USE1: variants seen among roughly 807,000 people sequenced by gnomAD.
The protein encoded by USE1 is unconventional SNARE in the ER 1, also known as vesicle transport protein USE1.
USE1 carries 32 observed loss-of-function variants against 37.6 expected under a neutral mutation model. The observed-to-expected ratio is 0.85, with a 90% CI of 0.64 to 1.14. USE1 has a LOEUF of 1.14. Among genes scored for constraint, USE1 ranks in the 50% most tolerant of loss-of-function variants. USE1 has a pLI of 0.00. For synonymous variants in USE1, 149 were observed against 137.6 expected (o/e 1.08, Z -0.58); for missense variants, 310 against 332.2 (o/e 0.93, Z 0.52).
intron 6 of USE1, chr19:17,218,963 CT>C (rs1443260478): frequency 3.1e-6 from 1 of 322,138 alleles, no homozygotes; most frequent in African/African-American, 2.2e-5. Context: ...CCTGTCTCTA[CT>C]AAAAATACAA....
intron 6 of USE1, 73 bp from the exon 7 acceptor site, chr19:17,219,140 A>AT (rs2073309000): frequency 6.6e-6 from 10 of 1,512,204 alleles, no homozygotes; most frequent in Non-Finnish European, 8.8e-6. Flanking sequence ...AAAAAAAAAA[A>AT]AGAAAATGTG....
intron 1 of USE1, 49 bp downstream of exon 1, chr19:17,215,556 T>G (rs538900761): frequency 4.5e-6 from 7 of 1,541,042 alleles, no homozygotes; most frequent in Non-Finnish European, 6.1e-6. Context: ...CGGGGGGTGA[T>G]TCCTAGGGTT....
At chr19:17,216,375 A>C (rs753871124) in intron 4 of USE1, 54 bp downstream of exon 4, 1 of 1,586,320 alleles carries the variant, frequency 6.3e-7, no homozygotes, top group Middle Eastern at 1.7e-4. Flanking sequence ...TAGGGGTTCT[A>C]TGCTTGTAGG....
chr19:17,216,237 A>G lies in USE1; in HGVS notation c.300A>G (p.Arg100=), dbSNP rs772902041. The change falls in exon 4 of 8, where the codon AGA becomes AGG. Residue 100 remains arginine (R), a synonymous_variant. Transcript: ENST00000263897. ...LAPGRVPTTA[R]ERVPATKTVH... is the part of the protein sequence containing the mutation. ...CTGGCCGTGTGCCAACCACAGCCAG[A>G]GAGCGAGTGCCCGCCACAAAGACGG... is the stretch of plus-strand genomic sequence containing the variant. 1 of 1,612,854 alleles carries G rather than the reference A, an allele frequency of 6.2e-7. No individual in the cohort carries two copies. The highest frequency in any genetic ancestry group is 8.5e-7 in the Non-Finnish European group (1 of 1,179,856).
chr19:17,215,357 C>G lies in USE1; in HGVS notation c.-49C>G. ...AAGGCCACTTGAAGGCACTTCCGCC[C>G]TCTCTTAACATGGAGCCGGCGGAAG... is the stretch of plus-strand genomic sequence containing the variant. On this transcript the variant is annotated 5_prime_UTR_variant, in exon 1 of 8. Coordinates refer to ENST00000263897, the MANE Select transcript of USE1 (RefSeq NM_018467.4). 2 of 1,525,632 alleles carry G rather than the reference C, an allele frequency of 1.3e-6. No homozygotes were observed. Among genetic ancestry groups the G allele is most frequent in the Non-Finnish European group, 1.8e-6 (2 of 1,133,196 alleles). 94.5% of individuals were successfully genotyped at this position (1,525,632 alleles called of 1,614,324 possible).
intron 6 of USE1, chr19:17,218,826 CAAAAAA>C (rs34769436): frequency 6.0e-5 from 4 of 67,068 alleles, no homozygotes; most frequent in Non-Finnish European, 1.0e-4. Context: ...GATGCTGTCT[CAAAAAA>C]AAAAAAAAAA....
At chr19:17,218,253 C>T in intron 5 of USE1, 111 bp from the exon 6 acceptor site, 1 of 1,475,866 alleles carries the variant, frequency 6.8e-7, no homozygotes, top group Non-Finnish European at 9.3e-7. Flanking sequence ...GGGCAGCAGA[C>T]AAGATGAGGA....
chr19:17,215,935 C>G (rs2073287201), intron 2 of USE1, 57 bp from the exon 3 acceptor site: 1 of 1,582,416 alleles, frequency 6.3e-7, no homozygotes, highest in Admixed American at 1.8e-5. Context: ...CAGCTGGGAC[C>G]CTTCCCTGAG....
Position 17,215,507 on chromosome 19 carries a change from G to C in USE1, c.102G>C (p.Lys34Asn), listed in dbSNP as rs764034313. ...KRDPDEWRLE[K>N]YVGALEDMLQ... is the part of the protein sequence containing the mutation. The stretch of plus-strand genomic sequence containing the variant: ...ACCCGGACGAGTGGCGCCTGGAGAA[G>C]GTGAGGGGATCTCGCACTGCCGCGT... Residue 34 changes from lysine to asparagine, a missense_variant and splice_region_variant, in exon 1 of 8, where the codon AAG (lysine) becomes AAC (asparagine). Physicochemically the swap from Lys to Asn is moderately conservative, Grantham distance 94. Coordinates refer to ENST00000263897, the MANE Select transcript of USE1 (RefSeq NM_018467.4). 1 of 1,557,262 alleles carries C rather than the reference G, an allele frequency of 6.4e-7. No individual in the cohort carries two copies. Among genetic ancestry groups the C allele is most frequent in the African/African-American group, 1.4e-5 (1 of 73,414 alleles).
chr19:17,216,337 T>G lies in USE1; in HGVS notation c.384+16T>G, dbSNP rs1487903182. ...ACTAGGCACGGTAGGGCTCCTTCCCTGGTCCCTGGGAATCCCTTGGACAGG... is the reference window on the plus strand; with the variant it reads ...ACTAGGCACGGTAGGGCTCCTTCCCGGGTCCCTGGGAATCCCTTGGACAGG... On this transcript the variant is annotated intron_variant, in intron 4 of 7. Coordinates refer to ENST00000263897, the MANE Select transcript of USE1 (RefSeq NM_018467.4). The G allele has an allele frequency of 1.2e-6, 2 of 1,605,690 alleles. No homozygotes were observed. The highest frequency in any genetic ancestry group is 3.3e-5 in the Admixed American group (2 of 59,932).
chr19:17,215,866 C>A lies in USE1; in HGVS notation c.152+15C>A. On this transcript the variant is annotated intron_variant, in intron 2 of 7. Coordinates refer to ENST00000263897, the MANE Select transcript of USE1 (RefSeq NM_018467.4). ...GTCCACGCGAGGTGAGTGCAGGCAG[C>A]CTCAGGGCTTTCACATCAGCACGTG... The A allele has an allele frequency of 6.2e-7, 1 of 1,604,744 alleles. No individual in the cohort carries two copies. Among genetic ancestry groups the A allele is most frequent in the Non-Finnish European group, 8.5e-7 (1 of 1,175,834 alleles).
intron 5 of USE1, 118 bp downstream of exon 5, chr19:17,217,580 C>A: frequency 7.3e-7 from 1 of 1,378,936 alleles, no homozygotes; most frequent in Non-Finnish European, 1.0e-6. Flanking sequence ...ACAGGAGCAT[C>A]ACCAAACTAC....
chr19:17,216,526 C>CA (rs2073291812), intron 4 of USE1, among the ~76,000 whole-genome samples: 1 of 152,128 alleles, frequency 6.6e-6, no homozygotes. Context: ...TGGTACAAGG[C>CA]AAAAATGGAA....
chr19:17,217,422 C>T (rs2073297399), intron 4 of USE1, 31 bp from the exon 5 acceptor site: 1 of 1,608,842 alleles, frequency 6.2e-7, no homozygotes, highest in Admixed American at 1.7e-5. Context: ...GCCACTGCAC[C>T]CAGCCTCATG....
chr19:17,217,566 T>A, intron 5 of USE1, 104 bp downstream of exon 5: 1 of 1,489,176 alleles, frequency 6.7e-7, no homozygotes, highest in Non-Finnish European at 9.2e-7. Context: ...ATGCCCTGAC[T>A]CCAACAGGAG....
chr19:17,216,981 A>G (rs867929399), intron 4 of USE1, among the ~76,000 whole-genome samples: 1 of 151,942 alleles, frequency 6.6e-6, no homozygotes, highest in Non-Finnish European at 1.5e-5. Flanking sequence ...TCCGTCTCAA[A>G]AAAAAAAAAT....
At chr19:17,218,172 G>T in intron 5 of USE1, 192 bp from the exon 6 acceptor site, 1 of 671,756 alleles carries the variant, frequency 1.5e-6, no homozygotes. Flanking sequence ...CCTGGGGTCT[G>T]AGGGAACCGA....
chr19:17,215,397 C>G lies in USE1; in HGVS notation c.-9C>G. 6.4e-7 allele frequency: 1 copy of G among 1,554,540 alleles called. No individual in the cohort carries two copies. On this transcript the variant is annotated 5_prime_UTR_variant, in exon 1 of 8. Transcript: ENST00000263897. Reference sequence around the variant, plus strand: ...GCCGGCGGAAGGGGTGGTGTAGGGCCGGGCGATAATGGCGGCGTCGAGGCT... The same window carrying G: ...GCCGGCGGAAGGGGTGGTGTAGGGCGGGGCGATAATGGCGGCGTCGAGGCT...
chr19:17,216,197 A>G lies in USE1; in HGVS notation c.260A>G (p.Asn87Ser). Residue 87 changes from asparagine (N) to serine (S), a missense_variant, in exon 4 of 8, where the codon AAC becomes AGC. Physicochemically the swap from Asn to Ser is conservative, Grantham distance 46. Transcript: ENST00000263897. ...TCCTCCTCAGAGAAAGCACTGGCCA[A>G]CCAGTTCCTGGCCCCTGGCCGTGTG... ...LTSSSEKALA[N>S]QFLAPGRVPT... The G allele has an allele frequency of 6.2e-7, 1 of 1,612,796 alleles. No homozygotes were observed. The highest frequency in any genetic ancestry group is 8.5e-7 in the Non-Finnish European group (1 of 1,179,640).
Sources: gnomAD v4.1 joint callset for allele counts (sites outside exome capture counted in the v4.1 genomes callset) on GRCh38, gnomAD v4.1.1 for gene constraint, MANE v1.5 for transcripts, NCBI Gene and HGNC (gene_info 2026-07-23, HGNC 2026-07-21) for gene names.